Variants in CAMSAP1 observed in about 807,000 individuals in gnomAD.
CAMSAP1 encodes the protein calmodulin regulated spectrin associated protein 1.
Under a neutral mutation model 143.5 loss-of-function variants are expected in CAMSAP1, and 58 were observed. The ratio of observed to expected loss-of-function variants is 0.40; its 90% CI spans 0.33 to 0.50. The LOEUF is 0.50. CAMSAP1 is among the 20% of genes least tolerant of loss of function. The pLI is 0.45. For missense variants in CAMSAP1, 1,969 were observed against 2,115.7 expected (o/e 0.93, Z 1.36); for synonymous variants, 945 against 859.3 (o/e 1.10, Z -1.74).
rs748480702 is a variant in CAMSAP1, at chr9:135,877,309, A to C, written c.585+4324T>G. ...AAAAAGCAAAACTAATCCACCGTGA[A>C]GATGGCAGATGAGTAGTTACCTGCA... On this transcript the variant is annotated intron_variant, in intron 3 of 16. Transcript: ENST00000389532. 2.0e-5 allele frequency among the ~76,000 whole-genome samples: 3 copies of C among 152,296 alleles called. No individual in the cohort carries two copies. In the South Asian group the frequency reaches 6.2e-4, roughly 32 times the overall value.
intron 7 of CAMSAP1, among the ~76,000 whole-genome samples, chr9:135,832,936 G>A (rs1468841772): frequency 6.6e-6 from 1 of 152,076 alleles, no homozygotes; most frequent in Non-Finnish European, 1.5e-5. Flanking sequence ...ACATAATATT[G>A]TCAAAATGTC....
chr9:135,821,991 C>T lies in CAMSAP1; in HGVS notation c.2670G>A (p.Arg890=). The change falls in exon 11 of 17, where the codon AGG becomes AGA. Residue 890 remains arginine, a synonymous_variant. Coordinates refer to ENST00000389532, the MANE Select transcript of CAMSAP1 (RefSeq NM_015447.4). This position sits in a 1 kb window ranked among gnomAD's most constrained non-coding sequence, Gnocchi z 4.6. ...QLHMQLEEKR[R]AIEAQKKKME... is the part of the protein sequence containing the mutation. ...TCTTCTTCTTCTGGGCCTCGATGGC[C>T]CTGCGCTTCTCCTCCAGCTGCATGT... 6.2e-7 allele frequency: 1 copy of T among 1,613,114 alleles called. No individual in the cohort carries two copies. Among genetic ancestry groups the T allele is most frequent in the Non-Finnish European group, 8.5e-7 (1 of 1,179,722 alleles).
rs1451058070 is a variant in CAMSAP1 at position 135,810,375 on chromosome 9, G to A, written c.*934C>T. 11 of 152,222 alleles carry A rather than the reference G, an allele frequency of 7.2e-5. No homozygotes were observed. Among genetic ancestry groups the A allele is most frequent in the Non-Finnish European group, 1.6e-4 (11 of 68,044 alleles). The allele number at this position is 152,222 out of a possible 1,614,324, so 9.4% of individuals were successfully genotyped here. On this transcript the variant is annotated 3_prime_UTR_variant, in exon 17 of 17. Transcript: ENST00000389532. Reference sequence around the variant, plus strand: ...AACAAAACCACTGAAGGGACTGTCAGCTTAAGTGCATCACCTTTTGGGACA... The same window carrying A: ...AACAAAACCACTGAAGGGACTGTCAACTTAAGTGCATCACCTTTTGGGACA...
At position 135,836,373 on chromosome 9, in the gene CAMSAP1, C is replaced by G. The variant is rs371298896; in HGVS notation, c.1046-8789G>C. The G allele has an allele frequency of 9.1e-6, 9 of 984,796 alleles. No individual in the cohort carries two copies. The African/African-American group carries it at 1.6e-4, about 17-fold the overall frequency. 61.0% of individuals were successfully genotyped at this position (984,796 alleles called of 1,614,324 possible). On this transcript the variant is annotated intron_variant, in intron 7 of 16. Coordinates refer to ENST00000389532, the MANE Select transcript of CAMSAP1 (RefSeq NM_015447.4). ...CCACACATCACCACATACCTTCTACCCTGTTCTACAGACACACGTTACCAC... is the reference window on the plus strand; with the variant it reads ...CCACACATCACCACATACCTTCTACGCTGTTCTACAGACACACGTTACCAC...
chr9:135,867,933 G>A (rs1252448655), intron 3 of CAMSAP1, among the ~76,000 whole-genome samples: 2 of 152,200 alleles, frequency 1.3e-5, no homozygotes, highest in South Asian at 2.1e-4. Flanking sequence ...AGACAAGGCT[G>A]CAGACAAGAC....
intron 7 of CAMSAP1, among the ~76,000 whole-genome samples, chr9:135,849,355 C>T (rs1249332550): frequency 1.3e-5 from 2 of 152,204 alleles, no homozygotes; most frequent in Non-Finnish European, 2.9e-5. Context: ...CGCTTTTGCA[C>T]CACGGTGAAG....
intron 1 of CAMSAP1, among the ~76,000 whole-genome samples, chr9:135,899,593 G>A (rs1280117347): frequency 1.3e-5 from 2 of 151,950 alleles, no homozygotes; most frequent in African/African-American, 4.8e-5. Context: ...CCCAATCTAC[G>A]AATCAGCCAC....
intron 7 of CAMSAP1, among the ~76,000 whole-genome samples, chr9:135,829,986 A>C (rs190122034): frequency 7.2e-5 from 11 of 152,300 alleles, no homozygotes; most frequent in Non-Finnish European, 1.6e-4. Flanking sequence ...GAGGTCTTGC[A>C]TATAAGTGAA....
chr9:135,823,878 G>A, intron 10 of CAMSAP1, 72 bp downstream of exon 10: 5 of 1,199,852 alleles, frequency 4.2e-6, no homozygotes, highest in Non-Finnish European at 6.0e-6. Flanking sequence ...GGGGGTTGGG[G>A]TGACATCTTA....
chr9:135,831,414 G>A (rs1173578636), intron 7 of CAMSAP1, among the ~76,000 whole-genome samples: 1 of 151,816 alleles, frequency 6.6e-6, no homozygotes. Flanking sequence ...TGGGAGGACT[G>A]CTTGAGGCCA....
At chr9:135,889,388 G>A (rs902504183) in intron 1 of CAMSAP1, among the ~76,000 whole-genome samples, 12 of 152,198 alleles carry the variant, frequency 7.9e-5, no homozygotes, top group African/African-American at 2.7e-4. Context: ...AGGAAAACCT[G>A]CAACTTCCAG....
intron 14 of CAMSAP1, among the ~76,000 whole-genome samples, chr9:135,817,222 A>T (rs1264110339): frequency 3.9e-5 from 6 of 152,222 alleles, no homozygotes; most frequent in African/African-American, 1.2e-4. Context: ...GTTGTCAGGG[A>T]CACTCTTGGG....
intron 7 of CAMSAP1, among the ~76,000 whole-genome samples, chr9:135,831,882 T>C (rs111291093): frequency 4.6e-5 from 7 of 152,126 alleles, no homozygotes; most frequent in Non-Finnish European, 1.0e-4. Flanking sequence ...ATACAATCTA[T>C]GAAGACTGAA....
intron 7 of CAMSAP1, among the ~76,000 whole-genome samples, chr9:135,829,688 A>G (rs1302258922): frequency 6.6e-6 from 1 of 151,942 alleles, no homozygotes; most frequent in Non-Finnish European, 1.5e-5. Context: ...CTCCATGTCT[A>G]CCGAAAAAAC....
intron 1 of CAMSAP1, among the ~76,000 whole-genome samples, chr9:135,893,371 GAAAGA>G (rs1240786596): frequency 6.7e-6 from 1 of 148,498 alleles, no homozygotes; most frequent in Non-Finnish European, 1.5e-5. Context: ...AAGGCAGGAA[GAAAGA>G]AAAGAGAAGG....
chr9:135,889,109 A>G (rs566618697), intron 1 of CAMSAP1, among the ~76,000 whole-genome samples: 1 of 152,258 alleles, frequency 6.6e-6, no homozygotes, highest in East Asian at 1.9e-4. Flanking sequence ...TGAAGCAACT[A>G]CAGTGGCACA....
chr9:135,863,783 T>C (rs1837278844), intron 4 of CAMSAP1, among the ~76,000 whole-genome samples: 2 of 152,334 alleles, frequency 1.3e-5, no homozygotes, highest in South Asian at 2.1e-4. Flanking sequence ...CGCCTCATAC[T>C]GTACCACGCG....
Position 135,882,675 on chromosome 9 carries a change from A to C in CAMSAP1, c.423+141T>G. 3 of 902,290 alleles carry C rather than the reference A, an allele frequency of 3.3e-6. No homozygotes were observed. Among genetic ancestry groups the C allele is most frequent in the Non-Finnish European group, 3.3e-6 (2 of 611,510 alleles). 55.9% of individuals were successfully genotyped at this position (902,290 alleles called of 1,614,324 possible). ...GCTTTAAAAGATATGCAGTTTCCTAAGGAACGCCAGTGTGCAAAAGCACGG... is the reference window on the plus strand; with the variant it reads ...GCTTTAAAAGATATGCAGTTTCCTACGGAACGCCAGTGTGCAAAAGCACGG... On this transcript the variant is annotated intron_variant, in intron 2 of 16. Transcript: ENST00000389532. This position sits in a 1 kb window ranked among gnomAD's most constrained non-coding sequence, Gnocchi z 4.9.
At chr9:135,812,584 G>A (rs1160119666) in intron 16 of CAMSAP1, among the ~76,000 whole-genome samples, 1 of 152,130 alleles carries the variant, frequency 6.6e-6, no homozygotes, top group Non-Finnish European at 1.5e-5. Context: ...TTAGGCGGTG[G>A]TGATGGTTGT....
Sources: allele counts gnomAD v4.1 joint callset (sites outside exome capture counted in the v4.1 genomes callset), GRCh38; gene constraint gnomAD v4.1.1; non-coding constraint Gnocchi (gnomAD v3.1); transcripts MANE v1.5; gene names NCBI Gene and HGNC (gene_info 2026-07-23, HGNC 2026-07-21).